The following SYT14 variants were observed in gnomAD, a reference collection of about 807,000 sequenced individuals.
SYT14 encodes synaptotagmin 14, also known as synaptotagmin-14.
In SYT14, 32 loss-of-function variants were observed where a neutral mutation model predicts 74.2. That is an observed-to-expected ratio of 0.43 (90% CI 0.33 to 0.58). The LOEUF (loss-of-function observed/expected upper bound fraction) is 0.58. Ranked by LOEUF, SYT14 falls within the 20% of genes least tolerant of loss-of-function variation. The pLI is 0.05. For synonymous variants in SYT14, 298 were observed against 337.7 expected (o/e 0.88, Z 1.29); for missense variants, 791 against 981.8 (o/e 0.81, Z 2.60).
intron 1 of SYT14, 119 bp downstream of exon 1, chr1:209,938,396 T>A (rs2078669650): frequency 5.0e-6 from 5 of 990,306 alleles, no homozygotes; most frequent in Non-Finnish European, 7.2e-6. Context: ...TGGAGCCGGC[T>A]GAAGACGCGC....
At chr1:210,123,653 T>G (rs753249901) in intron 7 of SYT14, among the ~76,000 whole-genome samples, 8 of 152,166 alleles carry the variant, frequency 5.3e-5, no homozygotes, top group African/African-American at 1.4e-4. Context: ...AATTGCCTTA[T>G]CTCCATCTAA....
chr1:210,109,126 A>G (rs1216753528), intron 7 of SYT14, among the ~76,000 whole-genome samples: 1 of 152,226 alleles, frequency 6.6e-6, no homozygotes, highest in Non-Finnish European at 1.5e-5. Context: ...AACTCCATCA[A>G]AAAGTGGGCA....
At chr1:210,088,324 T>C (rs1572277321) in intron 5 of SYT14, among the ~76,000 whole-genome samples, 2 of 152,046 alleles carry the variant, frequency 1.3e-5, no homozygotes, top group East Asian at 3.9e-4. Context: ...ACATTAGGTA[T>C]TTCTCCTAAT....
intron 8 of SYT14, among the ~76,000 whole-genome samples, chr1:210,156,683 C>CTTTTTTTTTTT (rs71146208): frequency 5.4e-5 from 3 of 55,998 alleles, no homozygotes; most frequent in Non-Finnish European, 9.9e-5. Flanking sequence ...GTGGCAGCTT[C>CTTTTTTTTTTT]TTTTTTTTTT....
At chr1:210,008,277 G>C (rs148234231) in intron 2 of SYT14, among the ~76,000 whole-genome samples, 85 of 152,276 alleles carry the variant, frequency 5.6e-4, no homozygotes, top group Middle Eastern at 6.8e-3. Flanking sequence ...TTGCATTAGT[G>C]AAATTTGAGT....
chr1:210,074,432 T>A (rs1044744039), intron 5 of SYT14, among the ~76,000 whole-genome samples: 1 of 152,194 alleles, frequency 6.6e-6, no homozygotes, highest in African/African-American at 2.4e-5. Context: ...TTAAGTACTG[T>A]ATAGACCATA....
intron 2 of SYT14, among the ~76,000 whole-genome samples, chr1:210,004,567 G>T (rs770876886): frequency 5.3e-5 from 8 of 151,716 alleles, no homozygotes; most frequent in Non-Finnish European, 1.0e-4. Context: ...AGTTAATGTT[G>T]ATTTGGTGGC....
intron 2 of SYT14, among the ~76,000 whole-genome samples, chr1:209,967,821 TTTA>T (rs2079178782): frequency 6.6e-6 from 1 of 152,086 alleles, no homozygotes; most frequent in Admixed American, 6.6e-5. Flanking sequence ...TGTTCTGATC[TTTA>T]TTATTTCCTC....
intron 5 of SYT14, among the ~76,000 whole-genome samples, chr1:210,080,193 A>G (rs2081592771): frequency 6.6e-6 from 1 of 152,224 alleles, no homozygotes; most frequent in South Asian, 2.1e-4. Context: ...TATATTTTAA[A>G]CCAGATCAGC....
At chr1:210,008,982 G>A (rs1008131611) in intron 2 of SYT14, among the ~76,000 whole-genome samples, 1 of 152,020 alleles carries the variant, frequency 6.6e-6, no homozygotes, top group Admixed American at 6.6e-5. Flanking sequence ...AATGGTCTTG[G>A]GCCACACATA....
At chr1:210,131,374 TTATTAA>T (rs1414002424) in intron 7 of SYT14, among the ~76,000 whole-genome samples, 1 of 152,068 alleles carries the variant, frequency 6.6e-6, no homozygotes, top group African/African-American at 2.4e-5. Flanking sequence ...ATGAATAGTC[TTATTAA>T]TATATGTAGA....
At position 210,049,432 on chromosome 1, in the gene SYT14, C is replaced by CT. The variant is rs948416246; in HGVS notation, c.1312+28189dup. Among the ~76,000 whole-genome samples the CT allele has an allele frequency of 8.4e-3, 1,118 of 133,234 alleles. 8 individuals carry two copies. Among genetic ancestry groups the CT allele is most frequent in the Middle Eastern group, 0.026 (7 of 268 alleles). The allele number at this position is 133,234 out of a possible 152,430, so 87.4% of individuals were successfully genotyped here. A position where few individuals can be genotyped will look rare whatever the true frequency, so the allele number is the denominator to read the frequency against. On this transcript the variant is annotated intron_variant, in intron 5 of 9. Transcript: ENST00000637265. The stretch of plus-strand genomic sequence containing the variant: ...TTTTATGTGGATTTTGATTTTTTTT[C>CT]TTTTTTTTTTTAAATTATACTTTAA...
chr1:210,121,619 T>G (rs370083321), intron 7 of SYT14, among the ~76,000 whole-genome samples: 7 of 151,768 alleles, frequency 4.6e-5, no homozygotes, highest in South Asian at 2.1e-4. Context: ...ATGGTGAAAC[T>G]CTGTCTCTAC....
At chr1:209,981,044 A>T (rs1000417596) in intron 2 of SYT14, among the ~76,000 whole-genome samples, 9 of 152,238 alleles carry the variant, frequency 5.9e-5, no homozygotes, top group Non-Finnish European at 1.2e-4. Flanking sequence ...GGGCAGTATG[A>T]ATTTTCATGA....
At chr1:210,167,454 T>C (rs1437782720) in exon 10 of SYT14, 1 of 152,230 alleles carries the variant, frequency 6.6e-6, no homozygotes, top group Non-Finnish European at 1.5e-5. Context: ...TCAGAATAAA[T>C]GCTGTGGATA....
chr1:210,037,864 C>A (rs2080703237), intron 5 of SYT14, among the ~76,000 whole-genome samples: 1 of 151,952 alleles, frequency 6.6e-6, no homozygotes, highest in South Asian at 2.1e-4. Flanking sequence ...ACTATATGGT[C>A]TGTGTTGGAG....
At chr1:210,010,959 T>C (rs1024699144) in intron 2 of SYT14, among the ~76,000 whole-genome samples, 1 of 152,194 alleles carries the variant, frequency 6.6e-6, no homozygotes, top group Non-Finnish European at 1.5e-5. Context: ...GAGTGGTGTA[T>C]AGTATCTGCT....
intron 5 of SYT14, among the ~76,000 whole-genome samples, chr1:210,043,835 A>G (rs1471828652): frequency 6.6e-6 from 1 of 152,176 alleles, no homozygotes; most frequent in African/African-American, 2.4e-5. Flanking sequence ...ATCACAGTAT[A>G]TATGGTATTT....
At chr1:210,000,452 C>G (rs1443854222) in intron 2 of SYT14, among the ~76,000 whole-genome samples, 1 of 127,566 alleles carries the variant, frequency 7.8e-6, no homozygotes, top group African/African-American at 3.6e-5. Context: ...TATTTTAGTC[C>G]TTTGTCCTCA....
Sources: allele counts gnomAD v4.1 joint callset (sites outside exome capture counted in the v4.1 genomes callset), GRCh38; gene constraint gnomAD v4.1.1; transcripts MANE v1.5; gene names NCBI Gene and HGNC (gene_info 2026-07-23, HGNC 2026-07-21).